Variants in PAM observed in about 807,000 individuals in gnomAD.
PAM encodes peptidylglycine alpha-amidating monooxygenase, also known as peptidyl-glycine alpha-amidating monooxygenase.
PAM carries 72 observed loss-of-function variants against 122.1 expected under a neutral mutation model. The observed-to-expected ratio is 0.59, with a 90% CI of 0.49 to 0.72. The LOEUF is 0.72. PAM is among the 30% of genes least tolerant of loss of function. The pLI, the probability that PAM is intolerant of heterozygous loss-of-function variation, is 0.00. For missense variants in PAM, 1,106 were observed against 1,183.7 expected (o/e 0.93, Z 0.96); for synonymous variants, 389 against 404.4 (o/e 0.96, Z 0.46).
At chr5:103,030,940 T>C (rs1418177633), downstream of PAM, 2 of 152,228 alleles carry the variant, frequency 1.3e-5, no homozygotes, top group Admixed American at 1.3e-4. Flanking sequence ...TGGATAGCTA[T>C]ATTTTCACAT....
At chr5:102,935,519 C>T (rs1752956246) in intron 7 of PAM, among the ~76,000 whole-genome samples, 1 of 151,922 alleles carries the variant, frequency 6.6e-6, no homozygotes, top group South Asian at 2.1e-4. Flanking sequence ...TTTAGGTAAC[C>T]ATGTATTGCT....
chr5:102,970,012 GGA>G (rs1181795992), intron 14 of PAM, among the ~76,000 whole-genome samples: 1 of 152,186 alleles, frequency 6.6e-6, no homozygotes, highest in African/African-American at 2.4e-5. Context: ...AACATTATAA[GGA>G]GAGAGGTTCT....
chr5:103,019,807 G>C lies in PAM; in HGVS notation c.2449G>C (p.Val817Leu). 1 of 1,608,598 alleles carries C rather than the reference G, an allele frequency of 6.2e-7. No homozygotes were observed. Among genetic ancestry groups the C allele is most frequent in the Non-Finnish European group, 8.5e-7 (1 of 1,175,150 alleles). ...TGTTACAGAATTGGAACATCGATCA[G>C]TTAAAAAGGCTGGCATTGAGGTCCA... is the stretch of plus-strand genomic sequence containing the variant. ...TLTEKLEHRS[V>L]KKAGIEVQEI... is the part of the protein sequence containing the mutation. The change falls in exon 23 of 26, where the codon GTT (valine) becomes CTT (leucine). Residue 817 changes from valine to leucine, a missense_variant. By Grantham distance (32) the Val-to-Leu change is conservative. This residue lies in a region of PAM where 333 missense variants were observed against 335.6 expected (regional missense o/e 0.99). Coordinates refer to ENST00000438793, the MANE Select transcript of PAM (RefSeq NM_001177306.2).
chr5:102,768,272 A>G (rs1469184805), intron 1 of PAM, among the ~76,000 whole-genome samples: 1 of 152,144 alleles, frequency 6.6e-6, no homozygotes, highest in Admixed American at 6.6e-5. Context: ...ATATTTTGAT[A>G]CAGGCATACC....
rs114864515 is a variant in PAM at position 102,995,856 on chromosome 5, T to G, written c.1613+5455T>G. 6.7e-3 allele frequency among the ~76,000 whole-genome samples: 1,016 copies of G among 152,200 alleles called. 8 individuals carry two copies. Among genetic ancestry groups the G allele is most frequent in the Non-Finnish European group, 0.012 (846 of 67,996 alleles). ...GAAGTAAGTGTTTTTAACATAATAT[T>G]AAGTTATATTCCATCGAGAGTCTCT... On this transcript the variant is annotated intron_variant, in intron 16 of 25. Transcript: ENST00000438793.
chr5:102,792,352 C>T (rs556707998), intron 1 of PAM, among the ~76,000 whole-genome samples: 2 of 152,218 alleles, frequency 1.3e-5, no homozygotes, highest in South Asian at 2.1e-4. Flanking sequence ...TGATAAACGA[C>T]GTGGGGAAAG....
chr5:102,941,210 C>T (rs550704129), intron 7 of PAM, among the ~76,000 whole-genome samples: 1 of 152,344 alleles, frequency 6.6e-6, no homozygotes, highest in Non-Finnish European at 1.5e-5. Flanking sequence ...GCCTTCCTGC[C>T]TTCCATTTGA....
intron 1 of PAM, among the ~76,000 whole-genome samples, chr5:102,755,896 C>T (rs1288719711): frequency 6.6e-6 from 1 of 152,092 alleles, no homozygotes; most frequent in Admixed American, 6.5e-5. Flanking sequence ...CTTTCCCGTC[C>T]TTGCCCAGCT....
chr5:102,851,634 A>G (rs1781370470), intron 1 of PAM, among the ~76,000 whole-genome samples: 1 of 152,194 alleles, frequency 6.6e-6, no homozygotes, highest in Non-Finnish European at 1.5e-5. Context: ...AAGATGAGAC[A>G]ATTGCAAAGT....
chr5:102,762,486 G>A (rs1752623821), intron 1 of PAM, among the ~76,000 whole-genome samples: 1 of 152,072 alleles, frequency 6.6e-6, no homozygotes, highest in Non-Finnish European at 1.5e-5. Context: ...TATTGCATGA[G>A]TCACTGATGG....
intron 4 of PAM, among the ~76,000 whole-genome samples, chr5:102,911,593 G>C (rs1338844571): frequency 6.6e-6 from 1 of 151,926 alleles, no homozygotes; most frequent in Non-Finnish European, 1.5e-5. Context: ...AGTTAGAAGA[G>C]TCTCTTACAT....
chr5:102,838,510 G>T lies in PAM; in HGVS notation c.-373-27313G>T, dbSNP rs557889118. On this transcript the variant is annotated intron_variant, in intron 1 of 25. Transcript: ENST00000438793. ...ATGTTTTAACTTTTATGTTCTTCAT[G>T]TATGGCATAAAAACTTATTTAAACT... 2.0e-5 allele frequency: 3 copies of T among 152,230 alleles called. No individual in the cohort carries two copies. In the South Asian group the frequency reaches 6.2e-4, roughly 32 times the overall value. The allele number at this position is 152,230 out of a possible 1,614,324, so 9.4% of individuals were successfully genotyped here.
intron 12 of PAM, 58 bp downstream of exon 12, chr5:102,950,878 C>T: frequency 1.1e-6 from 1 of 952,282 alleles, no homozygotes; most frequent in Non-Finnish European, 1.7e-6. Context: ...GGCATGATTA[C>T]AGGTGACAGC....
chr5:102,758,073 GTT>G (rs1168917285), intron 1 of PAM, among the ~76,000 whole-genome samples: 874 of 24,460 alleles, frequency 0.036, 1 homozygote, highest in Non-Finnish European at 0.045. Flanking sequence ...TTAGAATTTT[GTT>G]TTTTTTTTTT....
chr5:103,024,794 T>C (rs773876331), intron 23 of PAM, among the ~76,000 whole-genome samples: 1 of 152,144 alleles, frequency 6.6e-6, no homozygotes, highest in African/African-American at 2.4e-5. Flanking sequence ...GATTCCAGTA[T>C]GCACACCAGT....
At chr5:103,007,944 G>A (rs1317204527) in intron 20 of PAM, among the ~76,000 whole-genome samples, 1 of 151,960 alleles carries the variant, frequency 6.6e-6, no homozygotes, top group African/African-American at 2.4e-5. Flanking sequence ...ATCTGCTCCA[G>A]TATTAAATAA....
chr5:102,963,155 C>T (rs1763007290), intron 14 of PAM, among the ~76,000 whole-genome samples: 1 of 151,834 alleles, frequency 6.6e-6, no homozygotes, highest in South Asian at 2.1e-4. Flanking sequence ...CAATGGCTAG[C>T]ATAGTCTGTG....
chr5:103,014,364 A>G (rs1781434185), intron 21 of PAM, among the ~76,000 whole-genome samples: 1 of 152,212 alleles, frequency 6.6e-6, no homozygotes, highest in African/African-American at 2.4e-5. Flanking sequence ...GGGTCAATTC[A>G]GCAAACTTGA....
At chr5:102,878,825 TTTA>T (rs1435479228) in intron 3 of PAM, among the ~76,000 whole-genome samples, 1 of 152,142 alleles carries the variant, frequency 6.6e-6, no homozygotes, top group African/African-American at 2.4e-5. Context: ...TAAGCTAAAT[TTTA>T]TTATATGAGT....
Sources: allele counts gnomAD v4.1 joint callset (sites outside exome capture counted in the v4.1 genomes callset), GRCh38; gene constraint gnomAD v4.1.1; regional missense constraint gnomAD v4.1.1; transcripts MANE v1.5; gene names NCBI Gene and HGNC (gene_info 2026-07-23, HGNC 2026-07-21).